Variants in NMNAT2 observed in about 807,000 individuals in gnomAD.
NMNAT2 encodes nicotinamide nucleotide adenylyltransferase 2, also known as nicotinamide/nicotinic acid mononucleotide adenylyltransferase 2.
NMNAT2 carries 11 observed loss-of-function variants against 41.6 expected under a neutral mutation model. The observed-to-expected ratio is 0.26, with a 90% CI of 0.17 to 0.44. The LOEUF (loss-of-function observed/expected upper bound fraction) is 0.44. Among genes scored for constraint, NMNAT2 ranks in the 20% least tolerant of loss-of-function variants. The probability of loss-of-function intolerance (pLI) is 1.00; values close to 1 mark genes in which losing one functional copy is unlikely to be tolerated. For missense variants in NMNAT2, 288 were observed against 407.7 expected (o/e 0.71, Z 2.53); for synonymous variants, 148 against 151.2 (o/e 0.98, Z 0.16).
At chr1:183,391,519 T>C (rs1648482561) in intron 1 of NMNAT2, among the ~76,000 whole-genome samples, 1 of 148,334 alleles carries the variant, frequency 6.7e-6, no homozygotes, top group Non-Finnish European at 1.5e-5. Flanking sequence ...CATGCTGTTA[T>C]TTCTCTCATC....
At chr1:183,262,772 G>A (rs1195010549) in intron 8 of NMNAT2, among the ~76,000 whole-genome samples, 1 of 152,154 alleles carries the variant, frequency 6.6e-6, no homozygotes, top group Non-Finnish European at 1.5e-5. Flanking sequence ...TGAAAGTTAC[G>A]GCATTTAATA....
chr1:183,303,123 C>A (rs571602963), intron 1 of NMNAT2, among the ~76,000 whole-genome samples: 1 of 152,292 alleles, frequency 6.6e-6, no homozygotes, highest in South Asian at 2.1e-4. Flanking sequence ...ACTGAAGCCT[C>A]CTTTTCTTGG....
intron 1 of NMNAT2, among the ~76,000 whole-genome samples, chr1:183,393,165 T>C (rs1195830372): frequency 6.6e-6 from 1 of 152,230 alleles, no homozygotes; most frequent in Non-Finnish European, 1.5e-5. Context: ...TCAGACTAAA[T>C]ACACTTTCAC....
intron 1 of NMNAT2, among the ~76,000 whole-genome samples, chr1:183,345,688 CT>C (rs5779171): frequency 0.75 from 91,379 of 121,914 alleles, 33,551 homozygotes; most frequent in South Asian, 0.92. Context: ...ATATCCTTTT[CT>C]TTTTTTTTTT....
chr1:183,396,586 C>T (rs968103469), intron 1 of NMNAT2, among the ~76,000 whole-genome samples: 1 of 152,230 alleles, frequency 6.6e-6, no homozygotes, highest in African/African-American at 2.4e-5. Flanking sequence ...ATGCTCCCCT[C>T]CCAAATGCTA....
intron 1 of NMNAT2, among the ~76,000 whole-genome samples, chr1:183,322,263 A>C (rs1662371504): frequency 6.6e-6 from 1 of 152,190 alleles, no homozygotes; most frequent in Admixed American, 6.5e-5. Context: ...TGGATTCACA[A>C]GGGTTGCAAA....
chr1:183,305,726 T>C (rs1248459859), intron 1 of NMNAT2, among the ~76,000 whole-genome samples: 1 of 150,722 alleles, frequency 6.6e-6, no homozygotes, highest in Non-Finnish European at 1.5e-5. Context: ...CTTTTTTTTT[T>C]TTTTTTTTTT....
At chr1:183,327,569 A>T (rs1431555311) in intron 1 of NMNAT2, among the ~76,000 whole-genome samples, 2 of 152,190 alleles carry the variant, frequency 1.3e-5, no homozygotes. Context: ...TCAAATTCAG[A>T]CATCTGTACA....
At chr1:183,406,340 C>A (rs1227838629) in intron 1 of NMNAT2, among the ~76,000 whole-genome samples, 1 of 152,120 alleles carries the variant, frequency 6.6e-6, no homozygotes, top group Non-Finnish European at 1.5e-5. Flanking sequence ...GCTGTCTCCA[C>A]CTATTTGAAT....
intron 1 of NMNAT2, among the ~76,000 whole-genome samples, chr1:183,383,750 G>A (rs1022756266): frequency 6.6e-6 from 1 of 152,110 alleles, no homozygotes; most frequent in Non-Finnish European, 1.5e-5. Context: ...TTCCCAATAA[G>A]TTCCTCATCT....
chr1:183,296,650 T>A (rs1661707268), intron 1 of NMNAT2, among the ~76,000 whole-genome samples: 1 of 152,026 alleles, frequency 6.6e-6, no homozygotes, highest in African/African-American at 2.4e-5. Context: ...GTAGCTGGGA[T>A]TACAGACGTG....
chr1:183,369,263 C>CTTTTT (rs55925461), intron 1 of NMNAT2, among the ~76,000 whole-genome samples: 2 of 140,090 alleles, frequency 1.4e-5, no homozygotes, highest in African/African-American at 2.7e-5. Flanking sequence ...CTTTTCTTTT[C>CTTTTT]TTTTTTTTTT....
intron 1 of NMNAT2, among the ~76,000 whole-genome samples, chr1:183,383,693 C>T (rs1369127210): frequency 1.3e-5 from 2 of 152,210 alleles, no homozygotes; most frequent in Non-Finnish European, 2.9e-5. Flanking sequence ...GGGCACAATG[C>T]CTCCAATCTC....
intron 1 of NMNAT2, among the ~76,000 whole-genome samples, chr1:183,331,905 A>G (rs1011525460): frequency 2.0e-5 from 3 of 152,200 alleles, no homozygotes; most frequent in African/African-American, 7.2e-5. Context: ...CTCCTGCCTC[A>G]GCCTCATAGC....
chr1:183,338,589 C>T (rs904434100), intron 1 of NMNAT2, among the ~76,000 whole-genome samples: 1 of 152,092 alleles, frequency 6.6e-6, no homozygotes, highest in Non-Finnish European at 1.5e-5. Flanking sequence ...ACTGTTTTGT[C>T]GACTTTACAT....
chr1:183,306,195 T>C (rs971773824), intron 1 of NMNAT2, among the ~76,000 whole-genome samples: 2 of 152,066 alleles, frequency 1.3e-5, no homozygotes, highest in Non-Finnish European at 2.9e-5. Flanking sequence ...CGACAAACTG[T>C]GTTGGTTGGT....
At chr1:183,414,684 T>C (rs570863690) in intron 1 of NMNAT2, among the ~76,000 whole-genome samples, 2 of 152,372 alleles carry the variant, frequency 1.3e-5, no homozygotes, top group South Asian at 2.1e-4. Flanking sequence ...TTTTCCTGTA[T>C]GTTTCTATAG....
chr1:183,370,166 G>A (rs916538673), intron 1 of NMNAT2, among the ~76,000 whole-genome samples: 2 of 149,430 alleles, frequency 1.3e-5, no homozygotes, highest in Non-Finnish European at 3.0e-5. Flanking sequence ...AGCCTGGGAT[G>A]ATTTCTACTG....
chr1:183,338,511 T>C (rs1271311923), intron 1 of NMNAT2, among the ~76,000 whole-genome samples: 1 of 152,190 alleles, frequency 6.6e-6, no homozygotes, highest in African/African-American at 2.4e-5. Context: ...TTCTGTAAGA[T>C]GGAAATAAGA....
Sources: allele counts gnomAD v4.1 joint callset (sites outside exome capture counted in the v4.1 genomes callset), GRCh38; gene constraint gnomAD v4.1.1; transcripts MANE v1.5; gene names NCBI Gene and HGNC (gene_info 2026-07-23, HGNC 2026-07-21).